The following TMEM181 variants were observed in gnomAD, a reference collection of about 807,000 sequenced individuals.
TMEM181 encodes the protein G protein-coupled receptor 178.
In TMEM181, 39 loss-of-function variants were observed where a neutral mutation model predicts 71.9. The ratio of observed to expected loss-of-function variants is 0.54; its 90% CI spans 0.42 to 0.71. The LOEUF (loss-of-function observed/expected upper bound fraction) is 0.71. Among genes scored for constraint, TMEM181 ranks in the 30% least tolerant of loss-of-function variants. The probability of loss-of-function intolerance (pLI) is 0.00; values close to 1 mark genes in which losing one functional copy is unlikely to be tolerated. For missense variants in TMEM181, 595 were observed against 583.0 expected (o/e 1.02, Z -0.21); for synonymous variants, 245 against 228.8 (o/e 1.07, Z -0.64).
At chr6:158,629,559 T>C (rs1486482669) in intron 14 of TMEM181, among the ~76,000 whole-genome samples, 171 bp from the exon 15 acceptor site, 1 of 151,032 alleles carries the variant, frequency 6.6e-6, no homozygotes, top group East Asian at 2.0e-4. Flanking sequence ...TTGTGACCCC[T>C]GGCTGTGGGC....
At chr6:158,587,408 G>C (rs1472382178) in intron 5 of TMEM181, among the ~76,000 whole-genome samples, 1 of 152,074 alleles carries the variant, frequency 6.6e-6, no homozygotes, top group Non-Finnish European at 1.5e-5. Flanking sequence ...CCTTGTCTAC[G>C]CAGGTCTCTA....
chr6:158,582,285 A>G (rs2128300003), intron 3 of TMEM181, among the ~76,000 whole-genome samples: 1 of 152,292 alleles, frequency 6.6e-6, no homozygotes, highest in African/African-American at 2.4e-5. Flanking sequence ...TTGACACTGA[A>G]CACAGCAGCC....
At chr6:158,542,047 A>G (rs1188967146) in intron 1 of TMEM181, among the ~76,000 whole-genome samples, 1 of 151,722 alleles carries the variant, frequency 6.6e-6, no homozygotes, top group East Asian at 1.9e-4. Context: ...CTGAGATTAC[A>G]GGCATGCGCC....
Position 158,599,089 on chromosome 6 carries a change from G to A in TMEM181, c.493-6178G>A, listed in dbSNP as rs143437464. The stretch of plus-strand genomic sequence containing the variant: ...CCTCCCGCGGTCTGTTTCTGTGGTT[G>A]TCCATTCAGAGGACTCTGAGGATGT... On this transcript the variant is annotated intron_variant, in intron 6 of 16. Transcript: ENST00000684151. 6.0e-3 allele frequency among the ~76,000 whole-genome samples: 915 copies of A among 152,330 alleles called. 5 individuals are homozygous for A. The highest frequency in any genetic ancestry group is 0.027 in the Middle Eastern group (8 of 294).
intron 1 of TMEM181, among the ~76,000 whole-genome samples, chr6:158,553,746 A>C (rs557911615): frequency 1.1e-4 from 17 of 152,334 alleles, no homozygotes; most frequent in African/African-American, 4.1e-4. Flanking sequence ...TTATTTATTA[A>C]AGACATTCTT....
rs1196802655 is a variant in TMEM181, at chr6:158,571,375, C to CATGATCTGCCCGCCTTGGCCTT, written c.9-2045_9-2044insATGATCTGCCCGCCTTGGCCTT. 7.2e-3 allele frequency among the ~76,000 whole-genome samples: 949 copies of CATGATCTGCCCGCCTTGGCCTT among 131,080 alleles called. 59 individuals are homozygous for CATGATCTGCCCGCCTTGGCCTT. The highest frequency in any genetic ancestry group is 0.026 in the African/African-American group (884 of 33,436). The allele number at this position is 131,080 out of a possible 152,430, so 86.0% of individuals were successfully genotyped here. ...CCTCCCAAAGTGCTGGGATTATAGG[C>CATGATCTGCCCGCCTTGGCCTT]GTGATCTGCCCGCCTTGGCCTTGTG... On this transcript the variant is annotated intron_variant, in intron 1 of 16. Transcript: ENST00000684151.
At chr6:158,558,728 G>A (rs1258717281), upstream of TMEM181, among the ~76,000 whole-genome samples, 1 of 152,170 alleles carries the variant, frequency 6.6e-6, no homozygotes, top group Non-Finnish European at 1.5e-5. Context: ...AAGTAGGGAG[G>A]CATCCTCAGG....
chr6:158,559,787 C>T (rs1430423191), upstream of TMEM181, among the ~76,000 whole-genome samples: 2 of 152,222 alleles, frequency 1.3e-5, no homozygotes, highest in African/African-American at 4.8e-5. Context: ...GCAGGGCATT[C>T]GTGGACTCCC....
At chr6:158,605,135 T>TGTGTGTGG in intron 6 of TMEM181, 132 bp from the exon 7 acceptor site, 1 of 317,808 alleles carries the variant, frequency 3.1e-6, no homozygotes. Flanking sequence ...AAAAAAAGTG[T>TGTGTGTGG]GTGTGTGTGT....
At chr6:158,622,649 TAACTGAA>T (rs1786031806) in intron 10 of TMEM181, among the ~76,000 whole-genome samples, 2 of 152,240 alleles carry the variant, frequency 1.3e-5, no homozygotes, top group East Asian at 3.8e-4. Flanking sequence ...TGATTTCAGT[TAACTGAA>T]ACTGCAGAAA....
intron 1 of TMEM181, among the ~76,000 whole-genome samples, chr6:158,567,364 A>T (rs772848575): frequency 6.6e-5 from 10 of 152,234 alleles, no homozygotes; most frequent in Non-Finnish European, 1.3e-4. Flanking sequence ...GAACAACACA[A>T]ACGCTTTTGG....
At chr6:158,615,144 G>C (rs1785546873) in intron 10 of TMEM181, among the ~76,000 whole-genome samples, 1 of 152,098 alleles carries the variant, frequency 6.6e-6, no homozygotes, top group African/African-American at 2.4e-5. Flanking sequence ...TCCTCTCCAG[G>C]ACCTGTTGTT....
intron 1 of TMEM181, 141 bp downstream of exon 1, chr6:158,560,373 G>T: frequency 1.0e-6 from 1 of 954,234 alleles, no homozygotes; most frequent in Middle Eastern, 5.4e-4. Flanking sequence ...GGCGCTGAAG[G>T]GGGCTTCGCG....
intron 6 of TMEM181, among the ~76,000 whole-genome samples, chr6:158,591,539 T>C (rs892371316): frequency 6.6e-6 from 1 of 151,990 alleles, no homozygotes; most frequent in Non-Finnish European, 1.5e-5. Flanking sequence ...AGTATTCTGC[T>C]TGTGTCCTCC....
chr6:158,602,490 C>T (rs997551609), intron 6 of TMEM181, among the ~76,000 whole-genome samples: 5 of 152,166 alleles, frequency 3.3e-5, no homozygotes. Context: ...ACACCAGTAG[C>T]GTGTGAGGGT....
Position 158,632,025 on chromosome 6 carries a change from G to A in TMEM181, c.*137G>A. 1 of 891,510 alleles carries A rather than the reference G, an allele frequency of 1.1e-6. No homozygotes were observed. Among genetic ancestry groups the A allele is most frequent in the East Asian group, 2.7e-5 (1 of 36,842 alleles). The allele number at this position is 891,510 out of a possible 1,614,324, so 55.2% of individuals were successfully genotyped here. A position where few individuals can be genotyped will look rare whatever the true frequency, so the allele number is the denominator to read the frequency against. ...TCATTTGTTTACATATTTTTTTAAA[G>A]GAAAACCAAAACTGAGGGTAAATTT... is the stretch of plus-strand genomic sequence containing the variant. On this transcript the variant is annotated 3_prime_UTR_variant, in exon 17 of 17. Transcript: ENST00000684151.
At chr6:158,600,671 A>T (rs193157818) in intron 6 of TMEM181, among the ~76,000 whole-genome samples, 1 of 151,292 alleles carries the variant, frequency 6.6e-6, no homozygotes, top group East Asian at 2.0e-4. Flanking sequence ...GGGTTTTGCG[A>T]TGTTGCCCAG....
rs749230417 is a variant in TMEM181 at position 158,633,504 on chromosome 6, A to G, written c.*1616A>G. On this transcript the variant is annotated 3_prime_UTR_variant, in exon 17 of 17. Coordinates refer to ENST00000684151, the MANE Select transcript of TMEM181 (RefSeq NM_001376852.1). ...GAGGTCCAGAAGATGATAGTTCCGCAACGCAAGCAGTACCTACTTTTTTTC... is the reference window on the plus strand; with the variant it reads ...GAGGTCCAGAAGATGATAGTTCCGCGACGCAAGCAGTACCTACTTTTTTTC... 1 of 152,194 alleles carries G rather than the reference A, an allele frequency of 6.6e-6. No individual in the cohort carries two copies. The highest frequency in any genetic ancestry group is 6.5e-5 in the Admixed American group (1 of 15,282). 9.4% of individuals were successfully genotyped at this position (152,194 alleles called of 1,614,324 possible).
At chr6:158,591,524 C>T (rs1031741632) in intron 6 of TMEM181, among the ~76,000 whole-genome samples, 1 of 151,810 alleles carries the variant, frequency 6.6e-6, no homozygotes, top group Admixed American at 6.6e-5. Flanking sequence ...TCAGAGAATC[C>T]GATTAGTATT....
Sources: allele counts gnomAD v4.1 joint callset (sites outside exome capture counted in the v4.1 genomes callset), GRCh38; gene constraint gnomAD v4.1.1; transcripts MANE v1.5; gene names NCBI Gene and HGNC (gene_info 2026-07-23, HGNC 2026-07-21).